The following FAM193B variants were observed in gnomAD, a reference collection of about 807,000 sequenced individuals.
FAM193B encodes family with sequence similarity 193 member B.
Under a neutral mutation model 70.7 loss-of-function variants are expected in FAM193B, and 27 were observed. That is an observed-to-expected ratio of 0.38 (90% CI 0.28 to 0.53). The LOEUF (loss-of-function observed/expected upper bound fraction) is 0.53. FAM193B is among the 20% of genes least tolerant of loss of function. The probability of loss-of-function intolerance (pLI) is 0.81; values close to 1 mark genes in which losing one functional copy is unlikely to be tolerated. For synonymous variants in FAM193B, 448 were observed against 436.0 expected, an observed-to-expected ratio of 1.03 and a Z score of -0.34; for missense variants, 1,022 against 1,072.5, an observed-to-expected ratio of 0.95 and a Z score of 0.66.
intron 4 of FAM193B, among the ~76,000 whole-genome samples, chr5:177,534,143 C>A (rs1258282129): frequency 6.6e-6 from 1 of 152,138 alleles, no homozygotes; most frequent in Admixed American, 6.5e-5. Context: ...GCTTCCAGGG[C>A]AGTCCAAAGC....
chr5:177,551,521 G>A (rs746941555), intron 1 of FAM193B, among the ~76,000 whole-genome samples: 1 of 152,158 alleles, frequency 6.6e-6, no homozygotes, highest in Non-Finnish European at 1.5e-5. Context: ...GTCTAAAAGG[G>A]CCAAATGCTA....
At chr5:177,533,180 AC>A (rs1329294352) in intron 4 of FAM193B, among the ~76,000 whole-genome samples, 2 of 151,908 alleles carry the variant, frequency 1.3e-5, no homozygotes, top group African/African-American at 2.4e-5. Context: ...TTCTGAGCAG[AC>A]TCTGGTGCTC....
intron 1 of FAM193B, chr5:177,539,383 T>C: frequency 2.0e-6 from 1 of 489,100 alleles, no homozygotes; most frequent in Non-Finnish European, 3.6e-6. Context: ...GGTTAAAAGC[T>C]AGCGAGTGGT....
chr5:177,536,122 A>C (rs1472931406), intron 4 of FAM193B, among the ~76,000 whole-genome samples: 1 of 152,102 alleles, frequency 6.6e-6, no homozygotes, highest in African/African-American at 2.4e-5. Context: ...CATGTTGCCC[A>C]GGCTGGTCTC....
chr5:177,546,863 G>A (rs1014787513), intron 1 of FAM193B, among the ~76,000 whole-genome samples: 2 of 152,138 alleles, frequency 1.3e-5, no homozygotes, highest in Non-Finnish European at 2.9e-5. Context: ...TAGCTCATCC[G>A]CTGAACTGCC....
At position 177,554,495 on chromosome 5, in the gene FAM193B, C is replaced by CGCCG. The variant is rs1476077367; in HGVS notation, c.-38_-37insCGGC. 3.9e-4 allele frequency: 7 copies of CGCCG among 17,740 alleles called. No homozygotes were observed. Among genetic ancestry groups the CGCCG allele is most frequent in the Admixed American group, 7.3e-3 (2 of 274 alleles). The allele number at this position is 17,740 out of a possible 1,614,324, so 1.1% of individuals were successfully genotyped here. On this transcript the variant is annotated 5_prime_UTR_variant, in exon 1 of 9. Coordinates refer to ENST00000514747, the MANE Select transcript of FAM193B (RefSeq NM_001190946.3). ...CGCCGCTCCCTCGCTCCACACGCCG[C>CGCCG]CGCCGCCGCCGCCGCCGCCGCCGCC... is the stretch of plus-strand genomic sequence containing the variant.
chr5:177,527,317 G>A (rs777552124), intron 5 of FAM193B, among the ~76,000 whole-genome samples: 1 of 152,212 alleles, frequency 6.6e-6, no homozygotes, highest in Admixed American at 6.5e-5. Flanking sequence ...AGCTGGCAGG[G>A]GCTGATCGTG....
chr5:177,547,561 G>T (rs1487044151), intron 1 of FAM193B, among the ~76,000 whole-genome samples: 2 of 152,114 alleles, frequency 1.3e-5, no homozygotes, highest in East Asian at 3.9e-4. Context: ...TGGGATTACA[G>T]GCGTGAGCCA....
chr5:177,524,278 G>T lies in FAM193B; in HGVS notation c.2203C>A (p.Pro735Thr). The change falls in exon 6 of 9, where the codon CCC becomes ACC. Residue 735 changes from proline to threonine, a missense_variant. Pro to Thr is a conservative substitution (Grantham distance 38, BLOSUM62 -1). Transcript: ENST00000514747. ...ARPQEQESVQ[P>T]SGPARPQSLP... ...CTCTGTGGCCTTGCTGGGCCTGAGG[G>T]CTGCACAGACTCCTGCTCCTGAGGC... 1 of 1,580,592 alleles carries T rather than the reference G, an allele frequency of 6.3e-7. No homozygotes were observed.
rs567201819 is a variant in FAM193B, at chr5:177,545,504, A to C, written c.211-6357T>G. Among the ~76,000 whole-genome samples the C allele has an allele frequency of 1.8e-4, 27 of 152,310 alleles. No individual in the cohort carries two copies. In the South Asian group the frequency reaches 3.7e-3, roughly 21 times the overall value. On this transcript the variant is annotated intron_variant, in intron 1 of 8. Coordinates refer to ENST00000514747, the MANE Select transcript of FAM193B (RefSeq NM_001190946.3). Reference sequence around the variant, plus strand: ...TGGTAAGTATCAATAGATATAAACAACACAAACAAAAGCTCTTTGGGTTCC... The same window carrying C: ...TGGTAAGTATCAATAGATATAAACACCACAAACAAAAGCTCTTTGGGTTCC...
rs1304653805 is a variant in FAM193B, at chr5:177,522,087, G to A, written c.2373-16C>T. 2.5e-6 allele frequency: 4 copies of A among 1,603,804 alleles called. No homozygotes were observed. Among genetic ancestry groups the A allele is most frequent in the Admixed American group, 3.3e-5 (2 of 59,930 alleles). ...CAAACAGAACCTGTTGGGTTTGGGG[G>A]ACACATGAGAAGCACAATCAGAGGT... On this transcript the variant is annotated splice_polypyrimidine_tract_variant and intron_variant, in intron 7 of 8. Transcript: ENST00000514747.
intron 7 of FAM193B, 98 bp downstream of exon 7, chr5:177,523,859 G>C (rs1034688884): frequency 7.3e-7 from 1 of 1,373,806 alleles, no homozygotes; most frequent in African/African-American, 1.4e-5. Context: ...AGGGCCAAGG[G>C]AGCAGGCCTT....
Position 177,536,749 on chromosome 5 carries a change from T to C in FAM193B, c.689-4A>G. Reference sequence around the variant, plus strand: ...TCCGAGACGGGGAAAGCCTCACCTGTGGGCAGAGGGAGGAGAAAGGGGTCA... The same window carrying C: ...TCCGAGACGGGGAAAGCCTCACCTGCGGGCAGAGGGAGGAGAAAGGGGTCA... On this transcript the variant is annotated splice_polypyrimidine_tract_variant and splice_region_variant and intron_variant, in intron 3 of 8. Coordinates refer to ENST00000514747, the MANE Select transcript of FAM193B (RefSeq NM_001190946.3). 2 of 1,551,048 alleles carry C rather than the reference T, an allele frequency of 1.3e-6. No homozygotes were observed. Among genetic ancestry groups the C allele is most frequent in the Non-Finnish European group, 1.7e-6 (2 of 1,148,712 alleles).
intron 1 of FAM193B, among the ~76,000 whole-genome samples, chr5:177,540,222 G>C (rs368787352): frequency 1.3e-5 from 2 of 150,414 alleles, no homozygotes; most frequent in Non-Finnish European, 2.9e-5. Context: ...CAGGAGAATC[G>C]CTTGAACCTG....
Position 177,538,237 on chromosome 5 carries a change from T to C in FAM193B, c.454-130A>G. On this transcript the variant is annotated intron_variant, in intron 2 of 8. Transcript: ENST00000514747. The surrounding 1 kb of genome is among the most constrained non-coding windows in gnomAD (Gnocchi z 4.1). Reference sequence around the variant, plus strand: ...TGTGCCATAGCAAAAACACAATTAATACAACTCCAGCTATAAGAACAAATG... The same window carrying C: ...TGTGCCATAGCAAAAACACAATTAACACAACTCCAGCTATAAGAACAAATG... 1 of 917,572 alleles carries C rather than the reference T, an allele frequency of 1.1e-6. No individual in the cohort carries two copies. The highest frequency in any genetic ancestry group is 1.6e-6 in the Non-Finnish European group (1 of 624,092). The allele number at this position is 917,572 out of a possible 1,614,324, so 56.8% of individuals were successfully genotyped here. A position where few individuals can be genotyped will look rare whatever the true frequency, so the allele number is the denominator to read the frequency against.
rs1307640793 is a variant in FAM193B, at chr5:177,521,993, A to G, written c.2451T>C (p.Thr817=). The change falls in exon 8 of 9, where the codon ACT becomes ACC. Residue 817 remains threonine (T), a synonymous_variant. Transcript: ENST00000514747. ...NWTNFSLKKT[T]PSTAQ ...CTGTACCTCACTGAGCTGTGCTAGGAGTGGTTTTCTTGAGGCTGAAGTTGG... is the reference window on the plus strand; with the variant it reads ...CTGTACCTCACTGAGCTGTGCTAGGGGTGGTTTTCTTGAGGCTGAAGTTGG... 3 of 1,613,918 alleles carry G rather than the reference A, an allele frequency of 1.9e-6. No homozygotes were observed. Among genetic ancestry groups the G allele is most frequent in the Non-Finnish European group, 2.5e-6 (3 of 1,179,828 alleles).
chr5:177,523,762 G>A (rs1223440108), intron 7 of FAM193B, among the ~76,000 whole-genome samples, 195 bp downstream of exon 7: 1 of 152,258 alleles, frequency 6.6e-6, no homozygotes, highest in African/African-American at 2.4e-5. Context: ...TCCCAGATGT[G>A]CCATCCTGCC....
Position 177,536,520 on chromosome 5 carries a change from C to T in FAM193B, c.914G>A (p.Gly305Glu). Residue 305 changes from glycine (G) to glutamate (E), a missense_variant, in exon 4 of 9, where the codon GGG becomes GAG. Gly to Glu is a moderately conservative substitution (Grantham distance 98). Transcript: ENST00000514747. ...GGGTAGATGGGAGCTCTGACATGGC[C>T]CTGGAGTGTGGGGGGCAGTGGCAGC... ...VAAATAPHTP[G>E]PCQSSHLPST... The T allele has an allele frequency of 6.4e-7, 1 of 1,554,110 alleles. No homozygotes were observed. Among genetic ancestry groups the T allele is most frequent in the Non-Finnish European group, 8.7e-7 (1 of 1,155,754 alleles).
Position 177,522,728 on chromosome 5 carries a change from T to G in FAM193B, c.2373-657A>C, listed in dbSNP as rs546745143. On this transcript the variant is annotated intron_variant, in intron 7 of 8. Coordinates refer to ENST00000514747, the MANE Select transcript of FAM193B (RefSeq NM_001190946.3). Reference sequence around the variant, plus strand: ...TAGTTATTATATTTTTATTTTTATTTATTTGAGACAGAGTCTTACTCTGTT... The same window carrying G: ...TAGTTATTATATTTTTATTTTTATTGATTTGAGACAGAGTCTTACTCTGTT... 4.6e-5 allele frequency among the ~76,000 whole-genome samples: 7 copies of G among 152,330 alleles called. No individual in the cohort carries two copies. In the South Asian group the frequency reaches 1.2e-3, roughly 27 times the overall value.
Sources: allele counts gnomAD v4.1 joint callset (sites outside exome capture counted in the v4.1 genomes callset), GRCh38; gene constraint gnomAD v4.1.1; non-coding constraint Gnocchi (gnomAD v3.1); transcripts MANE v1.5; gene names NCBI Gene and HGNC (gene_info 2026-07-23, HGNC 2026-07-21).